The following LPCAT3 variants were observed in gnomAD, a reference collection of about 807,000 sequenced individuals.
The protein encoded by LPCAT3 is lysophospholipid acyltransferase 5.
A neutral mutation model predicts 63.4 loss-of-function variants in LPCAT3; 21 were observed. The ratio of observed to expected loss-of-function variants is 0.33; its 90% CI spans 0.23 to 0.48. LPCAT3 has a LOEUF of 0.48. LPCAT3 is among the 20% of genes least tolerant of loss of function. The pLI, the probability that LPCAT3 is intolerant of heterozygous loss-of-function variation, is 0.99. For synonymous variants in LPCAT3, 242 were observed against 227.5 expected, an observed-to-expected ratio of 1.06 and a Z score of -0.58; for missense variants, 451 against 590.6, an observed-to-expected ratio of 0.76 and a Z score of 2.45.
chr12:6,977,292 A>C lies in LPCAT3; in HGVS notation c.1348-30T>G, dbSNP rs1555153374. 3 of 1,609,914 alleles carry C rather than the reference A, an allele frequency of 1.9e-6. No individual in the cohort carries two copies. In the South Asian group the frequency reaches 3.3e-5, roughly 18 times the overall value. On this transcript the variant is annotated intron_variant, in intron 11 of 12. Transcript: ENST00000261407. The surrounding 1 kb of genome is among the most constrained non-coding windows in gnomAD (Gnocchi z 4.5). ...GGAGAGAGAGGCCACTAAGGTAGACAGGCCTGGAGTGTCCTTTGCAACCTT... is the reference window on the plus strand; with the variant it reads ...GGAGAGAGAGGCCACTAAGGTAGACCGGCCTGGAGTGTCCTTTGCAACCTT...
At chr12:6,981,699 G>A in intron 4 of LPCAT3, 67 bp from the exon 5 acceptor site, 1 of 1,143,000 alleles carries the variant, frequency 8.7e-7, no homozygotes, top group Non-Finnish European at 1.3e-6. Flanking sequence ...CCTGTAGACT[G>A]AGTGCAGCCA....
chr12:7,000,943 G>A (rs1319442140), intron 1 of LPCAT3, among the ~76,000 whole-genome samples: 1 of 151,910 alleles, frequency 6.6e-6, no homozygotes, highest in Non-Finnish European at 1.5e-5. Context: ...TCCTGACCTC[G>A]TGATCTGCCC....
In LPCAT3 at chr12:6,977,277, G is replaced by A; in HGVS notation, c.1348-15C>T. On this transcript the variant is annotated splice_polypyrimidine_tract_variant and intron_variant, in intron 11 of 12. Coordinates refer to ENST00000261407, the MANE Select transcript of LPCAT3 (RefSeq NM_005768.6). This position sits in a 1 kb window ranked among gnomAD's most constrained non-coding sequence, Gnocchi z 4.5. ...GATTTATACACCTGTGGAGAGAGAGGCCACTAAGGTAGACAGGCCTGGAGT... is the reference window on the plus strand; with the variant it reads ...GATTTATACACCTGTGGAGAGAGAGACCACTAAGGTAGACAGGCCTGGAGT... 1 of 1,610,234 alleles carries A rather than the reference G, an allele frequency of 6.2e-7. No individual in the cohort carries two copies. The highest frequency in any genetic ancestry group is 1.7e-5 in the Admixed American group (1 of 60,000).
At chr12:6,981,765 G>A in intron 4 of LPCAT3, 46 bp downstream of exon 4, 1 of 1,524,458 alleles carries the variant, frequency 6.6e-7, no homozygotes, top group Non-Finnish European at 9.1e-7. Flanking sequence ...AGTGAGATGG[G>A]GGAGGGACCT....
At chr12:6,982,809 C>T in intron 2 of LPCAT3, 27 bp from the exon 3 acceptor site, 1 of 1,476,572 alleles carries the variant, frequency 6.8e-7, no homozygotes, top group Non-Finnish European at 9.5e-7. Context: ...AGAATTTAGC[C>T]TGGTTTTTAC....
chr12:7,016,484 C>A (rs782798925), intron 1 of LPCAT3, among the ~76,000 whole-genome samples: 62 of 152,184 alleles, frequency 4.1e-4, no homozygotes, highest in Non-Finnish European at 6.3e-4. Flanking sequence ...ACCATGTTGG[C>A]CAGGCTGGTC....
chr12:6,987,303 C>T lies in LPCAT3; in HGVS notation c.152-3764G>A, dbSNP rs1946538813. ...TGCCAGGTATTCTGTTTATGAAGCA[C>T]GTAATTGGGTAGGAGGTGGCATGTG... is the stretch of plus-strand genomic sequence containing the variant. On this transcript the variant is annotated intron_variant, in intron 1 of 12. Transcript: ENST00000261407. The surrounding 1 kb of genome is among the most constrained non-coding windows in gnomAD (Gnocchi z 4.1). Among the ~76,000 whole-genome samples, 1 of 152,064 alleles carries T rather than the reference C, an allele frequency of 6.6e-6. No individual in the cohort carries two copies. The highest frequency in any genetic ancestry group is 6.6e-5 in the Admixed American group (1 of 15,254).
chr12:7,007,271 A>C (rs1431053120), intron 1 of LPCAT3, among the ~76,000 whole-genome samples: 1 of 151,390 alleles, frequency 6.6e-6, no homozygotes, highest in Non-Finnish European at 1.5e-5. Context: ...GGCTGGTCTC[A>C]AACTCCTGAC....
At chr12:6,990,948 TA>T (rs1391074214) in intron 1 of LPCAT3, among the ~76,000 whole-genome samples, 3 of 137,830 alleles carry the variant, frequency 2.2e-5, no homozygotes, top group Admixed American at 7.1e-5. Context: ...AAAATAAAAC[TA>T]AAAAAAAAGT....
chr12:7,005,982 A>G (rs1946722668), intron 1 of LPCAT3, among the ~76,000 whole-genome samples: 1 of 152,198 alleles, frequency 6.6e-6, no homozygotes, highest in Non-Finnish European at 1.5e-5. Flanking sequence ...CAGCATCTCA[A>G]TATTACTTGA....
intron 1 of LPCAT3, among the ~76,000 whole-genome samples, chr12:6,992,056 G>A (rs1035511454): frequency 1.3e-5 from 2 of 151,972 alleles, no homozygotes; most frequent in Middle Eastern, 3.2e-3. Flanking sequence ...GCTGGGTGTG[G>A]TGGTGCATAC....
chr12:6,991,516 C>T (rs1325986692), intron 1 of LPCAT3, among the ~76,000 whole-genome samples: 1 of 152,164 alleles, frequency 6.6e-6, no homozygotes, highest in Non-Finnish European at 1.5e-5. Context: ...CCTTAAATTT[C>T]ACCATTGATT....
chr12:6,991,468 G>A (rs148162791), intron 1 of LPCAT3, among the ~76,000 whole-genome samples: 1 of 152,130 alleles, frequency 6.6e-6, no homozygotes, highest in African/African-American at 2.4e-5. Flanking sequence ...TCTAAATACT[G>A]ACATATTTCA....
intron 1 of LPCAT3, among the ~76,000 whole-genome samples, chr12:6,994,242 G>A (rs1555155833): frequency 2.0e-5 from 3 of 152,062 alleles, no homozygotes. Flanking sequence ...GAGTCTCTCT[G>A]TGTTGTCCAG....
At position 6,987,285 on chromosome 12, in the gene LPCAT3, T is replaced by C. The variant is rs2138339001; in HGVS notation, c.152-3746A>G. On this transcript the variant is annotated intron_variant, in intron 1 of 12. Transcript: ENST00000261407. The surrounding 1 kb of genome is among the most constrained non-coding windows in gnomAD (Gnocchi z 4.1). ...TAGTAAATGCCTGCTATATGCCAGG[T>C]ATTCTGTTTATGAAGCACGTAATTG... Among the ~76,000 whole-genome samples the C allele has an allele frequency of 6.6e-6, 1 of 152,294 alleles. No homozygotes were observed. Among genetic ancestry groups the C allele is most frequent in the South Asian group, 2.1e-4 (1 of 4,822 alleles).
chr12:7,016,763 A>C (rs1946799911), intron 1 of LPCAT3, among the ~76,000 whole-genome samples: 1 of 152,238 alleles, frequency 6.6e-6, no homozygotes, highest in Non-Finnish European at 1.5e-5. Flanking sequence ...TAGGAAGTTC[A>C]AAGCTGGTGT....
At position 7,018,432 on chromosome 12, in the gene LPCAT3, C is replaced by T. The variant is rs782200377; in HGVS notation, c.-8G>A. 5 of 1,594,794 alleles carry T rather than the reference C, an allele frequency of 3.1e-6. No individual in the cohort carries two copies. The Admixed American group carries it at 8.6e-5, about 27-fold the overall frequency. On this transcript the variant is annotated 5_prime_UTR_variant, in exon 1 of 13. Coordinates refer to ENST00000261407, the MANE Select transcript of LPCAT3 (RefSeq NM_005768.6). This position sits in a 1 kb window ranked among gnomAD's most constrained non-coding sequence, Gnocchi z 4.9. Reference sequence around the variant, plus strand: ...CTCCGCTGAGGACGCCATCTTAACTCCGGGAGCCCCACAGGGACCCCCCAG... The same window carrying T: ...CTCCGCTGAGGACGCCATCTTAACTTCGGGAGCCCCACAGGGACCCCCCAG...
At chr12:7,013,239 C>G (rs1555157358) in intron 1 of LPCAT3, among the ~76,000 whole-genome samples, 1 of 152,158 alleles carries the variant, frequency 6.6e-6, no homozygotes, top group Non-Finnish European at 1.5e-5. Flanking sequence ...GGTAGGGAAG[C>G]CTTCATGCCT....
intron 9 of LPCAT3, 43 bp downstream of exon 9, chr12:6,978,298 G>C (rs199579835): frequency 6.4e-7 from 1 of 1,572,002 alleles, no homozygotes; most frequent in African/African-American, 1.4e-5. Flanking sequence ...GGAAGACAGT[G>C]GAAGGAAGGA....
Sources: gnomAD v4.1 joint callset for allele counts (sites outside exome capture counted in the v4.1 genomes callset) on GRCh38, gnomAD v4.1.1 for gene constraint, Gnocchi (gnomAD v3.1) non-coding constraint, MANE v1.5 for transcripts, NCBI Gene and HGNC (gene_info 2026-07-23, HGNC 2026-07-21) for gene names.